Variants in BRIP1 observed in about 807,000 individuals in gnomAD.
BRIP1 encodes BRCA1 interacting DNA helicase 1, also known as Fanconi anemia group J protein.
BRIP1 carries 88 observed loss-of-function variants against 119.7 expected under a neutral mutation model. The ratio of observed to expected loss-of-function variants is 0.74; its 90% CI spans 0.62 to 0.88. The LOEUF (loss-of-function observed/expected upper bound fraction) is 0.88. BRIP1 is among the 40% of genes least tolerant of loss of function. BRIP1 has a pLI of 0.00. For missense variants in BRIP1, 1,259 were observed against 1,455.4 expected (o/e 0.87, Z 2.20); for synonymous variants, 443 against 496.5 (o/e 0.89, Z 1.43).
Position 61,683,577 on chromosome 17 carries a change from T to G in BRIP1, c.3469A>C (p.Arg1157=). 1 of 1,612,728 alleles carries G rather than the reference T, an allele frequency of 6.2e-7. No homozygotes were observed. Among genetic ancestry groups the G allele is most frequent in the Non-Finnish European group, 8.5e-7 (1 of 1,179,978 alleles). Residue 1157 remains arginine (R), a synonymous_variant, in exon 20 of 20, where the codon AGA becomes CGA. Coordinates refer to ENST00000259008, the MANE Select transcript of BRIP1 (RefSeq NM_032043.3). This position sits in a 1 kb window ranked among gnomAD's most constrained non-coding sequence, Gnocchi z 4.7. ...ATGCAATCTGAATTGTTAGCCAATC[T>G]ATTTCCTCTATCAGTTTCAGCTAGG... is the stretch of plus-strand genomic sequence containing the variant. ...NDLAETDRGN[R]LANNSDCILA... is the part of the protein sequence containing the mutation.
At chr17:61,688,754 TAAA>T (rs200908748) in intron 18 of BRIP1, among the ~76,000 whole-genome samples, 1 of 120,942 alleles carries the variant, frequency 8.3e-6, no homozygotes. Context: ...AACCAACCCT[TAAA>T]AAAAAAAAAA....
rs569366723 is a variant in BRIP1, at chr17:61,806,325, C to G, written c.918+2142G>C. 6.6e-6 allele frequency among the ~76,000 whole-genome samples: 1 copy of G among 152,236 alleles called. No individual in the cohort carries two copies. The highest frequency in any genetic ancestry group is 2.4e-5 in the African/African-American group (1 of 41,540). On this transcript the variant is annotated intron_variant, in intron 7 of 19. Transcript: ENST00000259008. This position sits in a 1 kb window ranked among gnomAD's most constrained non-coding sequence, Gnocchi z 4.9. ...TTTGTAATTGCCCTTCATTACAATA[C>G]CAAATTACTAACAGGGCTTGAGAAC...
chr17:61,776,542 C>A lies in BRIP1; in HGVS notation c.1956G>T (p.Gly652=), dbSNP rs778250103. The A allele has an allele frequency of 6.2e-7, 1 of 1,614,026 alleles. No individual in the cohort carries two copies. The highest frequency in any genetic ancestry group is 8.5e-7 in the Non-Finnish European group (1 of 1,179,970). ...KNSQVWVGTI[G]SGPKGRNLCA... is the part of the protein sequence containing the mutation. The stretch of plus-strand genomic sequence containing the variant: ...AGAGATTCCGACCCTTGGGGCCTGA[C>A]CCAATGGTACCAACCCAAACCTAGA... Residue 652 remains glycine, a synonymous_variant, in exon 14 of 20, where the codon GGG becomes GGT. Transcript: ENST00000259008. The surrounding 1 kb of genome is among the most constrained non-coding windows in gnomAD (Gnocchi z 5.0).
chr17:61,822,040 C>T lies in BRIP1; in HGVS notation c.628-13283G>A, dbSNP rs182923297. On this transcript the variant is annotated intron_variant, in intron 6 of 19. Coordinates refer to ENST00000259008, the MANE Select transcript of BRIP1 (RefSeq NM_032043.3). The surrounding 1 kb of genome is among the most constrained non-coding windows in gnomAD (Gnocchi z 4.4). ...TGTCAGAAGAATCAGTAATAGCCAC[C>T]AGTAAAAGAACTAAATGACAGAAGA... Among the ~76,000 whole-genome samples the T allele has an allele frequency of 3.4e-4, 51 of 152,234 alleles. No homozygotes were observed. The highest frequency in any genetic ancestry group is 1.2e-3 in the African/African-American group (49 of 41,532).
chr17:61,702,428 C>T (rs1487296269), intron 17 of BRIP1, among the ~76,000 whole-genome samples: 1 of 152,130 alleles, frequency 6.6e-6, no homozygotes, highest in East Asian at 1.9e-4. Flanking sequence ...TGAATGGTAG[C>T]TCAACTCTTA....
At position 61,793,468 on chromosome 17, in the gene BRIP1, A is replaced by C. The variant is rs2077849298; in HGVS notation, c.1473+129T>G. 1.2e-6 allele frequency: 1 copy of C among 816,998 alleles called. No individual in the cohort carries two copies. The highest frequency in any genetic ancestry group is 1.8e-6 in the Non-Finnish European group (1 of 542,378). 50.6% of individuals were successfully genotyped at this position (816,998 alleles called of 1,614,324 possible). ...AAAGATTATCAAATTTAGATAATAA[A>C]ATTTTTAAAAAATTAAATTGCTATA... On this transcript the variant is annotated intron_variant, in intron 10 of 19. Coordinates refer to ENST00000259008, the MANE Select transcript of BRIP1 (RefSeq NM_032043.3). This position sits in a 1 kb window ranked among gnomAD's most constrained non-coding sequence, Gnocchi z 5.2.
intron 6 of BRIP1, among the ~76,000 whole-genome samples, chr17:61,830,180 C>T (rs980688643): frequency 2.0e-5 from 3 of 151,364 alleles, no homozygotes; most frequent in African/African-American, 7.3e-5. Context: ...GTGATACGCT[C>T]GCCTCAGCCT....
In BRIP1 at chr17:61,693,607, T is replaced by G. The variant is rs1287898686; in HGVS notation, c.2493-95A>C. On this transcript the variant is annotated intron_variant, in intron 17 of 19. Coordinates refer to ENST00000259008, the MANE Select transcript of BRIP1 (RefSeq NM_032043.3). The surrounding 1 kb of genome is among the most constrained non-coding windows in gnomAD (Gnocchi z 4.2). ...ACAGAAAATTGGAAAAAAATCAATT[T>G]TATAGATTCCTTTAAACAATTTGTT... The G allele has an allele frequency of 3.9e-6, 4 of 1,018,048 alleles. No individual in the cohort carries two copies. The African/African-American group carries it at 4.8e-5, about 12-fold the overall frequency. 63.1% of individuals were successfully genotyped at this position (1,018,048 alleles called of 1,614,324 possible).
At chr17:61,847,364 T>G in intron 5 of BRIP1, 144 bp from the exon 6 acceptor site, 1 of 885,786 alleles carries the variant, frequency 1.1e-6, no homozygotes, top group Non-Finnish European at 1.8e-6. Flanking sequence ...AAAAGAAATT[T>G]TAAAAATGCA....
At chr17:61,790,058 A>G (rs1400927136) in intron 10 of BRIP1, among the ~76,000 whole-genome samples, 2 of 152,162 alleles carry the variant, frequency 1.3e-5, no homozygotes, top group African/African-American at 4.8e-5. Flanking sequence ...AGGATACAAA[A>G]CATTCCTAGA....
Position 61,754,297 on chromosome 17 carries a change from C to T in BRIP1, c.2098-9706G>A, listed in dbSNP as rs1440711447. On this transcript the variant is annotated intron_variant, in intron 14 of 19. Transcript: ENST00000259008. This position sits in a 1 kb window ranked among gnomAD's most constrained non-coding sequence, Gnocchi z 4.1. ...CTACAATGGCTTCCTTTTGCTCAAA[C>T]TAGGTACTCTCCTGTCTCAAGATTC... 6.6e-6 allele frequency among the ~76,000 whole-genome samples: 1 copy of T among 152,168 alleles called. No individual in the cohort carries two copies. The highest frequency in any genetic ancestry group is 1.5e-5 in the Non-Finnish European group (1 of 68,020).
chr17:61,722,728 G>A lies in BRIP1; in HGVS notation c.2380-6665C>T, dbSNP rs1213061534. On this transcript the variant is annotated intron_variant, in intron 16 of 19. Coordinates refer to ENST00000259008, the MANE Select transcript of BRIP1 (RefSeq NM_032043.3). The surrounding 1 kb of genome is among the most constrained non-coding windows in gnomAD (Gnocchi z 4.6). ...TAGTTATAAATGGAATATTTAGAGT[G>A]AATGTAGCAACTATTAGATTAAATA... Among the ~76,000 whole-genome samples, 1 of 152,194 alleles carries A rather than the reference G, an allele frequency of 6.6e-6. No individual in the cohort carries two copies. The highest frequency in any genetic ancestry group is 2.4e-5 in the African/African-American group (1 of 41,464).
Position 61,705,955 on chromosome 17 carries a change from G to A in BRIP1, c.2492+9996C>T, listed in dbSNP as rs371572722. Reference sequence around the variant, plus strand: ...TGAGTTGGCTAATAATGTTGCTCAAGTCATCTATATCTTTATTAGTTTGTC... The same window carrying A: ...TGAGTTGGCTAATAATGTTGCTCAAATCATCTATATCTTTATTAGTTTGTC... On this transcript the variant is annotated intron_variant, in intron 17 of 19. Transcript: ENST00000259008. This position sits in a 1 kb window ranked among gnomAD's most constrained non-coding sequence, Gnocchi z 5.0. Among the ~76,000 whole-genome samples, 4 of 152,248 alleles carry A rather than the reference G, an allele frequency of 2.6e-5. No homozygotes were observed. The South Asian group carries it at 8.3e-4, about 32-fold the overall frequency.
intron 17 of BRIP1, among the ~76,000 whole-genome samples, chr17:61,715,014 A>T (rs944733479): frequency 6.6e-6 from 1 of 151,936 alleles, no homozygotes; most frequent in Non-Finnish European, 1.5e-5. Context: ...AGCCTGGCCA[A>T]CATAGTGAAA....
chr17:61,813,137 T>C (rs2078188056), intron 6 of BRIP1, among the ~76,000 whole-genome samples: 1 of 151,844 alleles, frequency 6.6e-6, no homozygotes, highest in Non-Finnish European at 1.5e-5. Flanking sequence ...AGACTACAAA[T>C]TGAATTTCAA....
At chr17:61,723,511 T>G (rs2062016678) in intron 16 of BRIP1, among the ~76,000 whole-genome samples, 2 of 152,336 alleles carry the variant, frequency 1.3e-5, no homozygotes, top group South Asian at 4.1e-4. Context: ...ACATTATACC[T>G]GTTGACCAAT....
At position 61,777,938 on chromosome 17, in the gene BRIP1, G is replaced by A. The variant is rs570103171; in HGVS notation, c.1936-1376C>T. ...TCTCCTATCATGTCTTGGTCTTCCC[G>A]GAGGCCAGCCCTGATCCTGATGCTA... On this transcript the variant is annotated intron_variant, in intron 13 of 19. Coordinates refer to ENST00000259008, the MANE Select transcript of BRIP1 (RefSeq NM_032043.3). Among the ~76,000 whole-genome samples the A allele has an allele frequency of 2.0e-4, 31 of 152,240 alleles. No individual in the cohort carries two copies. In the South Asian group the frequency reaches 5.8e-3, roughly 29 times the overall value.
intron 17 of BRIP1, among the ~76,000 whole-genome samples, chr17:61,712,731 C>A (rs1425329458): frequency 6.6e-6 from 1 of 151,880 alleles, no homozygotes; most frequent in South Asian, 2.1e-4. Flanking sequence ...TGGTGAAACC[C>A]CATCTCTACT....
At position 61,736,174 on chromosome 17, in the gene BRIP1, AAAG is replaced by A. The variant is rs970787469; in HGVS notation, c.2379+6836_2379+6838del. 1.3e-5 allele frequency among the ~76,000 whole-genome samples: 2 copies of A among 151,718 alleles called. No individual in the cohort carries two copies. The highest frequency in any genetic ancestry group is 4.8e-5 in the African/African-American group (2 of 41,300). ...GACCTCGCCTCTCCAAAAAAAAAAAAAAGTTTAGCCAGGTGTGGTGGCACATGC... is the reference window on the plus strand; with the variant it reads ...GACCTCGCCTCTCCAAAAAAAAAAAATTTAGCCAGGTGTGGTGGCACATGC... On this transcript the variant is annotated intron_variant, in intron 16 of 19. Coordinates refer to ENST00000259008, the MANE Select transcript of BRIP1 (RefSeq NM_032043.3). This position sits in a 1 kb window ranked among gnomAD's most constrained non-coding sequence, Gnocchi z 4.4.
Sources: gnomAD v4.1 joint callset for allele counts (sites outside exome capture counted in the v4.1 genomes callset) on GRCh38, gnomAD v4.1.1 for gene constraint, Gnocchi (gnomAD v3.1) non-coding constraint, MANE v1.5 for transcripts, NCBI Gene and HGNC (gene_info 2026-07-23, HGNC 2026-07-21) for gene names.